CCDC83: variants seen among roughly 807,000 people sequenced by gnomAD.
The protein encoded by CCDC83 is coiled-coil domain-containing protein 83.
In CCDC83, 54 loss-of-function variants were observed where a neutral mutation model predicts 50.1. That is an observed-to-expected ratio of 1.08 (90% confidence interval 0.87 to 1.35). The LOEUF is 1.35. CCDC83 is among the 40% of genes most tolerant of loss of function. The probability of loss-of-function intolerance (pLI) is 0.00; values close to 1 mark genes in which losing one functional copy is unlikely to be tolerated. For synonymous variants in CCDC83, 161 were observed against 153.3 expected (o/e 1.05, Z -0.37); for missense variants, 518 against 473.9 (o/e 1.09, Z -0.86).
intron 7 of CCDC83, among the ~76,000 whole-genome samples, chr11:85,903,462 A>ATTT (rs536664153): frequency 1.4e-5 from 2 of 143,474 alleles, no homozygotes; most frequent in African/African-American, 5.1e-5. Context: ...GTTCCATCTA[A>ATTT]TTTTTTTTTT....
chr11:85,896,636 C>A (rs1329973678), intron 6 of CCDC83, among the ~76,000 whole-genome samples: 1 of 151,874 alleles, frequency 6.6e-6, no homozygotes, highest in Non-Finnish European at 1.5e-5. Flanking sequence ...TTCTTATATA[C>A]CCAAACCTAA....
At chr11:85,915,541 C>A in intron 9 of CCDC83, 43 bp downstream of exon 9, 1 of 1,424,094 alleles carries the variant, frequency 7.0e-7, no homozygotes, top group Non-Finnish European at 9.8e-7. Context: ...TTTTCAAACT[C>A]TTGTTTTTCA....
chr11:85,882,754 T>C, intron 4 of CCDC83, 79 bp downstream of exon 4: 1 of 1,333,630 alleles, frequency 7.5e-7, no homozygotes, highest in Middle Eastern at 1.9e-4. Context: ...ATTCTTCCAA[T>C]ATGTTCAAAA....
At chr11:85,868,424 G>A (rs1322893272) in intron 2 of CCDC83, among the ~76,000 whole-genome samples, 1 of 152,194 alleles carries the variant, frequency 6.6e-6, no homozygotes, top group African/African-American at 2.4e-5. Context: ...ACCCAGGCTG[G>A]AGTGCAGTGG....
chr11:85,902,516 G>T (rs1212429486), intron 7 of CCDC83, among the ~76,000 whole-genome samples: 5 of 152,168 alleles, frequency 3.3e-5, no homozygotes, highest in African/African-American at 1.2e-4. Context: ...AGTTGAAACT[G>T]ATCTCAATTC....
intron 10 of CCDC83, among the ~76,000 whole-genome samples, chr11:85,918,369 C>T (rs2093492277): frequency 6.6e-6 from 1 of 152,150 alleles, no homozygotes; most frequent in Non-Finnish European, 1.5e-5. Context: ...TGCACCCCAG[C>T]ACTTGATATA....
At chr11:85,857,101 C>T (rs192980823) in intron 1 of CCDC83, among the ~76,000 whole-genome samples, 105 of 152,304 alleles carry the variant, frequency 6.9e-4, no homozygotes, top group Admixed American at 2.3e-3. Flanking sequence ...TGACAAACTG[C>T]CCTACAAAGT....
intron 3 of CCDC83, among the ~76,000 whole-genome samples, chr11:85,879,111 C>T (rs1213381537): frequency 6.6e-6 from 1 of 152,108 alleles, no homozygotes; most frequent in Non-Finnish European, 1.5e-5. Context: ...AGGTCTGTAA[C>T]AGAGTAAAAG....
intron 7 of CCDC83, among the ~76,000 whole-genome samples, chr11:85,901,981 T>G (rs2093404557): frequency 6.6e-6 from 1 of 151,892 alleles, no homozygotes; most frequent in South Asian, 2.1e-4. Flanking sequence ...CAGTGAGCTA[T>G]GATCGCACCA....
At chr11:85,881,131 G>T (rs910165899) in intron 3 of CCDC83, among the ~76,000 whole-genome samples, 1 of 152,056 alleles carries the variant, frequency 6.6e-6, no homozygotes, top group African/African-American at 2.4e-5. Flanking sequence ...CACTTTGGGA[G>T]GCCGCGGCAG....
At chr11:85,908,668 C>T (rs1169593101) in intron 7 of CCDC83, among the ~76,000 whole-genome samples, 3 of 151,190 alleles carry the variant, frequency 2.0e-5, no homozygotes, top group Non-Finnish European at 4.4e-5. Context: ...TTCGGGAGGC[C>T]GAAGCAAGCA....
chr11:85,914,485 C>T (rs1427133991), intron 8 of CCDC83, among the ~76,000 whole-genome samples: 1 of 152,142 alleles, frequency 6.6e-6, no homozygotes. Flanking sequence ...GTGAAGCATA[C>T]CACTAAGCAA....
intron 6 of CCDC83, 106 bp downstream of exon 6, chr11:85,895,490 G>A: frequency 1.6e-6 from 1 of 637,820 alleles, no homozygotes; most frequent in Non-Finnish European, 2.7e-6. Context: ...TCTCAGATTT[G>A]GGATGCTCAA....
chr11:85,874,551 C>G (rs2093258417), intron 3 of CCDC83, among the ~76,000 whole-genome samples: 1 of 152,224 alleles, frequency 6.6e-6, no homozygotes, highest in Non-Finnish European at 1.5e-5. Flanking sequence ...CTAACTACAA[C>G]TCTGTATCTG....
chr11:85,870,146 A>G (rs1413019410), intron 2 of CCDC83, among the ~76,000 whole-genome samples: 1 of 152,258 alleles, frequency 6.6e-6, no homozygotes, highest in African/African-American at 2.4e-5. Context: ...ATGCCCAATT[A>G]AATATGAGTT....
At position 85,900,576 on chromosome 11, in the gene CCDC83, A is replaced by T. The variant is rs558072142; in HGVS notation, c.672+1561A>T. Among the ~76,000 whole-genome samples the T allele has an allele frequency of 1.4e-4, 21 of 152,322 alleles. 2 individuals carry two copies. The South Asian group carries it at 4.4e-3, about 32-fold the overall frequency. On this transcript the variant is annotated intron_variant, in intron 7 of 10. Coordinates refer to ENST00000342404, the MANE Select transcript of CCDC83 (RefSeq NM_001286159.2). Reference sequence around the variant, plus strand: ...ATTTACACAGTGGTGGGGAAAATCCATGCCACTCCCCAGACTTTTCTTAAA... The same window carrying T: ...ATTTACACAGTGGTGGGGAAAATCCTTGCCACTCCCCAGACTTTTCTTAAA...
At chr11:85,917,178 A>AAGAG (rs1315201409) in intron 10 of CCDC83, among the ~76,000 whole-genome samples, 1 of 105,686 alleles carries the variant, frequency 9.5e-6, no homozygotes, top group Non-Finnish European at 2.0e-5. Flanking sequence ...GAAAGAAAGA[A>AAGAG]AGAAAGAAAG....
chr11:85,887,547 G>A (rs534182750), intron 5 of CCDC83, among the ~76,000 whole-genome samples: 1 of 152,156 alleles, frequency 6.6e-6, no homozygotes, highest in South Asian at 2.1e-4. Context: ...TTGTCAAAAG[G>A]TTCTTCTTCT....
intron 1 of CCDC83, among the ~76,000 whole-genome samples, chr11:85,857,869 A>G (rs1273749604): frequency 6.6e-6 from 1 of 152,168 alleles, no homozygotes; most frequent in Admixed American, 6.5e-5. Context: ...GCCACCATAG[A>G]CGAGGCCTGT....
Sources: allele counts gnomAD v4.1 joint callset (sites outside exome capture counted in the v4.1 genomes callset), GRCh38; gene constraint gnomAD v4.1.1; transcripts MANE v1.5; gene names NCBI Gene and HGNC (gene_info 2026-07-23, HGNC 2026-07-21).